IGSF9B: variants seen among roughly 807,000 people sequenced by gnomAD.
IGSF9B encodes the protein immunoglobulin superfamily member 9B.
In IGSF9B, 48 loss-of-function variants were observed where a neutral mutation model predicts 143.7. The observed-to-expected ratio is 0.33, with a 90% CI of 0.26 to 0.42. IGSF9B has a LOEUF of 0.42. Ranked by LOEUF, IGSF9B falls within the 20% of genes least tolerant of loss-of-function variation. The pLI is 1.00. For synonymous variants in IGSF9B, 903 were observed against 833.1 expected, an observed-to-expected ratio of 1.08 and a Z score of -1.44; for missense variants, 1,706 against 1,980.0, an observed-to-expected ratio of 0.86 and a Z score of 2.63.
chr11:133,916,875 G>A (rs1016158425), intron 18 of IGSF9B, among the ~76,000 whole-genome samples: 3 of 152,122 alleles, frequency 2.0e-5, no homozygotes, highest in South Asian at 2.1e-4. Flanking sequence ...GTCTCTGGGC[G>A]CAGGAGGGCC....
At chr11:133,935,919 C>T in intron 6 of IGSF9B, 134 bp downstream of exon 6, 1 of 1,385,984 alleles carries the variant, frequency 7.2e-7, no homozygotes, top group Non-Finnish European at 9.8e-7. Flanking sequence ...GCATGTGAGA[C>T]ACACGGACCA....
At chr11:133,947,187 A>C (rs949830685) in intron 1 of IGSF9B, among the ~76,000 whole-genome samples, 2 of 152,150 alleles carry the variant, frequency 1.3e-5, no homozygotes, top group Non-Finnish European at 2.9e-5. Flanking sequence ...GCAGAGAGGA[A>C]GAGCCACGCA....
rs202174159 is a variant in IGSF9B at position 133,925,813 on chromosome 11, C to T, written c.1960G>A (p.Ala654Thr). 2.3e-4 allele frequency: 365 copies of T among 1,613,782 alleles called. No homozygotes were observed. Among genetic ancestry groups the T allele is most frequent in the Non-Finnish European group, 3.0e-4 (354 of 1,179,894 alleles). Residue 654 changes from alanine (A) to threonine (T), a missense_variant, in exon 14 of 20, where the codon GCA (alanine) becomes ACA (threonine). Transcript: ENST00000533871. ...TCGTCGAGCAACTCCCAGCGCTCTGCGACACGGAACTCCATGATGTAGCGG... is the reference window on the plus strand; with the variant it reads ...TCGTCGAGCAACTCCCAGCGCTCTGTGACACGGAACTCCATGATGTAGCGG... ...IDRYIMEFRV[A>T]ERWELLDDGI...
Position 133,921,368 on chromosome 11 carries a change from C to T in IGSF9B, c.2357G>A (p.Ser786Asn). The change falls in exon 18 of 20, where the codon AGC becomes AAC. Residue 786 changes from serine (S) to asparagine (N), a missense_variant. Coordinates refer to ENST00000533871, the MANE Select transcript of IGSF9B (RefSeq NM_001277285.4). Reference sequence around the variant, plus strand: ...TGACGGCGCTCGGAGCGTGCGGATGCTCTCGGGGCTCACCTTGCCAGAGGA... The same window carrying T: ...TGACGGCGCTCGGAGCGTGCGGATGTTCTCGGGGCTCACCTTGCCAGAGGA... ...PLSSGKVSPE[S>N]IRTLRAPSES... 1 of 1,544,166 alleles carries T rather than the reference C, an allele frequency of 6.5e-7. No homozygotes were observed. Among genetic ancestry groups the T allele is most frequent in the Non-Finnish European group, 8.7e-7 (1 of 1,145,382 alleles).
chr11:133,949,424 AAC>A (rs1358766178), intron 1 of IGSF9B, among the ~76,000 whole-genome samples: 2 of 152,194 alleles, frequency 1.3e-5, no homozygotes, highest in Admixed American at 1.3e-4. Context: ...TATGTCTAAT[AAC>A]ACACTCTCTC....
rs1338190883 is a variant in IGSF9B, at chr11:133,901,794, A to G, written c.*7275T>C. Among the ~76,000 whole-genome samples, 3 of 142,562 alleles carry G rather than the reference A, an allele frequency of 2.1e-5. No individual in the cohort carries two copies. The highest frequency in any genetic ancestry group is 3.1e-5 in the Non-Finnish European group (2 of 63,648). 93.5% of individuals were successfully genotyped at this position (142,562 alleles called of 152,430 possible). On this transcript the variant is annotated 3_prime_UTR_variant, in exon 20 of 20. Transcript: ENST00000533871. Reference sequence around the variant, plus strand: ...ATGTCTGTACAAATCTCTCTCACACACACCACACACAACAGACACACCACA... The same window carrying G: ...ATGTCTGTACAAATCTCTCTCACACGCACCACACACAACAGACACACCACA...
At chr11:133,950,888 C>A (rs1428876888) in intron 1 of IGSF9B, among the ~76,000 whole-genome samples, 5 of 152,170 alleles carry the variant, frequency 3.3e-5, no homozygotes, top group African/African-American at 1.2e-4. Context: ...TCCTCCTCCT[C>A]CTCCTCTGGG....
rs563901270 is a variant in IGSF9B, at chr11:133,897,089, A to T, written c.*11980T>A. On this transcript the variant is annotated 3_prime_UTR_variant, in exon 20 of 20. Coordinates refer to ENST00000533871, the MANE Select transcript of IGSF9B (RefSeq NM_001277285.4). The stretch of plus-strand genomic sequence containing the variant: ...ATTTGGTGGCTGGGGGTGCCTGCCC[A>T]TTGGAAGGGCCCCTTATAAATGCTT... 1 of 152,184 alleles carries T rather than the reference A, an allele frequency of 6.6e-6. No individual in the cohort carries two copies. Among genetic ancestry groups the T allele is most frequent in the African/African-American group, 2.4e-5 (1 of 41,430 alleles). 9.4% of individuals were successfully genotyped at this position (152,184 alleles called of 1,614,324 possible).
chr11:133,903,630 A>G lies in IGSF9B; in HGVS notation c.*5439T>C, dbSNP rs1389372080. 6.6e-6 allele frequency among the ~76,000 whole-genome samples: 1 copy of G among 152,166 alleles called. No individual in the cohort carries two copies. Among genetic ancestry groups the G allele is most frequent in the African/African-American group, 2.4e-5 (1 of 41,438 alleles). On this transcript the variant is annotated 3_prime_UTR_variant, in exon 20 of 20. Transcript: ENST00000533871. ...CCTCAGGGGATGGTGGTGTCTTTGGACCAAATTCAATCTACTGAGTGTTTT... is the reference window on the plus strand; with the variant it reads ...CCTCAGGGGATGGTGGTGTCTTTGGGCCAAATTCAATCTACTGAGTGTTTT...
At position 133,920,791 on chromosome 11, in the gene IGSF9B, C is replaced by T. The variant is rs1427452108; in HGVS notation, c.2934G>A (p.Val978=). 1 of 1,609,264 alleles carries T rather than the reference C, an allele frequency of 6.2e-7. No homozygotes were observed. The highest frequency in any genetic ancestry group is 1.7e-5 in the Admixed American group (1 of 59,720). The change falls in exon 18 of 20, where the codon GTG becomes GTA. Residue 978 remains valine, a synonymous_variant. Coordinates refer to ENST00000533871, the MANE Select transcript of IGSF9B (RefSeq NM_001277285.4). The stretch of plus-strand genomic sequence containing the variant: ...CTGGCACGTAGAACGGGGGCGGCTC[C>T]ACCTCCCCAGGGCTGCTGCTGCTGA... ...GYLSSSSPGE[V]EPPPFYVPEV... is the part of the protein sequence containing the mutation.
Position 133,920,004 on chromosome 11 carries a change from G to C in IGSF9B, c.3721C>G (p.Pro1241Ala). ...QAEMSEITLQPPAAVSFSRKS... is the reference protein window; with the variant it reads ...QAEMSEITLQAPAAVSFSRKS... ...CGAGAAAAGCTGACTGCAGCCGGCGGCTGCAGGGTGATCTCTGACATCTCT... is the reference window on the plus strand; with the variant it reads ...CGAGAAAAGCTGACTGCAGCCGGCGCCTGCAGGGTGATCTCTGACATCTCT... The change falls in exon 18 of 20, where the codon CCG becomes GCG. Residue 1241 changes from proline to alanine, a missense_variant. Pro to Ala is a conservative substitution (Grantham distance 27). This residue lies in a region of IGSF9B where 880 missense variants were observed against 762.9 expected (regional missense o/e 1.15). Transcript: ENST00000533871. 7 of 1,583,176 alleles carry C rather than the reference G, an allele frequency of 4.4e-6. No homozygotes were observed. The highest frequency in any genetic ancestry group is 5.2e-6 in the Non-Finnish European group (6 of 1,164,528).
At position 133,932,112 on chromosome 11, in the gene IGSF9B, C is replaced by G. The variant is rs752170988; in HGVS notation, c.1069G>C (p.Val357Leu). Reference protein sequence around the residue: ...PVDAEPPATVVKWNKDGRPLQ... With the variant: ...PVDAEPPATVLKWNKDGRPLQ... Reference sequence around the variant, plus strand: ...GGACGGCCGTCCTTGTTCCACTTGACCACGGTGGCCGGTGGTTCTGCGTCC... The same window carrying G: ...GGACGGCCGTCCTTGTTCCACTTGAGCACGGTGGCCGGTGGTTCTGCGTCC... The change falls in exon 8 of 20, where the codon GTC (valine) becomes CTC (leucine). Residue 357 changes from valine (V) to leucine (L), a missense_variant. Coordinates refer to ENST00000533871, the MANE Select transcript of IGSF9B (RefSeq NM_001277285.4). 6.2e-7 allele frequency: 1 copy of G among 1,613,826 alleles called. No individual in the cohort carries two copies. Among genetic ancestry groups the G allele is most frequent in the Non-Finnish European group, 8.5e-7 (1 of 1,179,812 alleles).
In IGSF9B at chr11:133,908,749, C is replaced by A; in HGVS notation, c.*320G>T. On this transcript the variant is annotated 3_prime_UTR_variant, in exon 20 of 20. Coordinates refer to ENST00000533871, the MANE Select transcript of IGSF9B (RefSeq NM_001277285.4). ...AGAGAGCAGTAAAAGCCATTGCTTT[C>A]CTCTTCACTTCCAAAGACATTGGAA... The A allele has an allele frequency of 3.5e-6, 1 of 284,714 alleles. No homozygotes were observed. Among genetic ancestry groups the A allele is most frequent in the Non-Finnish European group, 6.6e-6 (1 of 150,532 alleles). 17.6% of individuals were successfully genotyped at this position (284,714 alleles called of 1,614,324 possible).
At position 133,920,203 on chromosome 11, in the gene IGSF9B, C is replaced by T. The variant is rs375245933; in HGVS notation, c.3522G>A (p.Gln1174=). 9 of 1,514,698 alleles carry T rather than the reference C, an allele frequency of 5.9e-6. No homozygotes were observed. Among genetic ancestry groups the T allele is most frequent in the Admixed American group, 4.5e-5 (2 of 44,254 alleles). 93.8% of individuals were successfully genotyped at this position (1,514,698 alleles called of 1,614,324 possible). The change falls in exon 18 of 20, where the codon CAG becomes CAA. Residue 1174 remains glutamine (Q), a synonymous_variant. Transcript: ENST00000533871. The part of the protein sequence containing the change: ...FGLDTRWYEP[Q]PRPRPSPRQA... ...GCCGAGGGCTAGGCCGGGGCCGGGG[C>T]TGGGGCTCATACCACCGGGTGTCCA...
intron 3 of IGSF9B, among the ~76,000 whole-genome samples, chr11:133,938,269 T>C (rs1160032037): frequency 6.6e-6 from 1 of 152,170 alleles, no homozygotes; most frequent in Non-Finnish European, 1.5e-5. Flanking sequence ...CAGGCTTTGC[T>C]ACCATCCTTC....
chr11:133,925,000 G>C, intron 14 of IGSF9B, 96 bp from the exon 15 acceptor site: 1 of 1,028,518 alleles, frequency 9.7e-7, no homozygotes, highest in Non-Finnish European at 1.5e-6. Flanking sequence ...GCAAAGGGCA[G>C]GGCACCCAAA....
chr11:133,944,181 T>C, intron 3 of IGSF9B, 39 bp downstream of exon 3: 1 of 1,560,314 alleles, frequency 6.4e-7, no homozygotes, highest in Non-Finnish European at 8.7e-7. Flanking sequence ...CAGGCACCGT[T>C]GATGGTGAGG....
intron 1 of IGSF9B, chr11:133,952,272 A>C: frequency 6.0e-6 from 2 of 332,808 alleles, no homozygotes; most frequent in South Asian, 2.4e-5. Flanking sequence ...TGCCTATCCA[A>C]CCCCAGAGTC....
Position 133,930,979 on chromosome 11 carries a change from C to T in IGSF9B, c.1519+5G>A, listed in dbSNP as rs775828495. 49 of 1,607,170 alleles carry T rather than the reference C, an allele frequency of 3.0e-5. No homozygotes were observed. Among genetic ancestry groups the T allele is most frequent in the South Asian group, 6.7e-5 (6 of 89,958 alleles). The stretch of plus-strand genomic sequence containing the variant: ...CCGCCCGGCCCAGCCTTGCCGGCCA[C>T]GTACCGATGACGGTGAGGTGGGTGC... On this transcript the variant is annotated splice_donor_5th_base_variant and intron_variant, in intron 11 of 19. Coordinates refer to ENST00000533871, the MANE Select transcript of IGSF9B (RefSeq NM_001277285.4).
Sources: allele counts gnomAD v4.1 joint callset (sites outside exome capture counted in the v4.1 genomes callset), GRCh38; gene constraint gnomAD v4.1.1; regional missense constraint gnomAD v4.1.1; transcripts MANE v1.5; gene names NCBI Gene and HGNC (gene_info 2026-07-23, HGNC 2026-07-21).